Variants in TCF7 observed in about 807,000 individuals in gnomAD.
TCF7 encodes the protein T-cell-factor-7.
Under a neutral mutation model 46.8 loss-of-function variants are expected in TCF7, and 19 were observed. The ratio of observed to expected loss-of-function variants is 0.41; its 90% CI spans 0.28 to 0.60. TCF7 has a LOEUF of 0.60. TCF7 is among the 20% of genes least tolerant of loss of function. The pLI is 0.35. For synonymous variants in TCF7, 245 were observed against 213.4 expected, an observed-to-expected ratio of 1.15 and a Z score of -1.29; for missense variants, 547 against 504.6, an observed-to-expected ratio of 1.08 and a Z score of -0.81.
intron 4 of TCF7, 79 bp from the exon 5 acceptor site, chr5:134,138,872 G>A (rs1055968201): frequency 1.4e-5 from 22 of 1,580,126 alleles, no homozygotes; most frequent in Admixed American, 1.8e-5. Context: ...GCCCCTGTAG[G>A]AGGTTCTAGG....
upstream of TCF7, among the ~76,000 whole-genome samples, chr5:134,109,705 G>A (rs1418015352): frequency 4.0e-5 from 6 of 151,272 alleles, no homozygotes; most frequent in African/African-American, 1.5e-4. Flanking sequence ...GGGAGGCAGA[G>A]GTTGCAGTGA....
chr5:134,145,445 A>ATGTG (rs1162905605), intron 9 of TCF7: 1 of 562,768 alleles, frequency 1.8e-6, no homozygotes, highest in East Asian at 3.8e-5. Context: ...GAAAGGGCTC[A>ATGTG]TGTGTTTCAC....
rs1421530511 is a variant in TCF7 at position 134,142,176 on chromosome 5, T to C, written c.636-9T>C. On this transcript the variant is annotated splice_polypyrimidine_tract_variant and intron_variant, in intron 5 of 9. Transcript: ENST00000342854. ...CTTGGCTCAGTGTTAACTTTCTTCC[T>C]GCCTCCAGGTTCACCCACCCATCCT... 2 of 1,613,962 alleles carry C rather than the reference T, an allele frequency of 1.2e-6. No homozygotes were observed. Among genetic ancestry groups the C allele is most frequent in the Non-Finnish European group, 1.7e-6 (2 of 1,179,930 alleles).
At position 134,134,377 on chromosome 5, in the gene TCF7, C is replaced by T. The variant is rs531249687; in HGVS notation, c.442-3682C>T. Reference sequence around the variant, plus strand: ...AAGCAGGAGCTTAGACTCGAAAGCCCCCCATGCTCCAGGCATTTGTGCCCT... The same window carrying T: ...AAGCAGGAGCTTAGACTCGAAAGCCTCCCATGCTCCAGGCATTTGTGCCCT... On this transcript the variant is annotated intron_variant, in intron 3 of 9. Coordinates refer to ENST00000342854, the MANE Select transcript of TCF7 (RefSeq NM_003202.5). 2.0e-5 allele frequency among the ~76,000 whole-genome samples: 3 copies of T among 152,364 alleles called. No homozygotes were observed. The South Asian group carries it at 6.2e-4, about 32-fold the overall frequency.
chr5:134,145,725 C>G (rs1226407110), intron 9 of TCF7: 1 of 1,613,590 alleles, frequency 6.2e-7, no homozygotes, highest in East Asian at 2.2e-5. Context: ...AAGTTCTATT[C>G]CATTCATTCC....
intron 3 of TCF7, among the ~76,000 whole-genome samples, chr5:134,129,302 G>A (rs540581616): frequency 6.6e-6 from 1 of 152,300 alleles, no homozygotes; most frequent in African/African-American, 2.4e-5. Flanking sequence ...TGCCTTTTCT[G>A]CAAAGCCCCC....
chr5:134,117,329 G>T (rs1212373773), intron 3 of TCF7, among the ~76,000 whole-genome samples: 1 of 152,220 alleles, frequency 6.6e-6, no homozygotes, highest in Non-Finnish European at 1.5e-5. Context: ...AACTCACCCT[G>T]TGTGAGCCCA....
chr5:134,145,940 TG>T (rs1760631914), intron 9 of TCF7: 1 of 1,493,232 alleles, frequency 6.7e-7, no homozygotes, highest in Non-Finnish European at 8.9e-7. Flanking sequence ...ATGACTCCCT[TG>T]GAAGACAGGA....
chr5:134,136,382 A>T (rs1758862763), intron 3 of TCF7, among the ~76,000 whole-genome samples: 2 of 152,082 alleles, frequency 1.3e-5, no homozygotes, highest in Admixed American at 1.3e-4. Context: ...GGAAAGGAGG[A>T]AGCCTGTGAA....
intron 2 of TCF7, 95 bp from the exon 3 acceptor site, chr5:134,115,814 A>T: frequency 1.3e-6 from 2 of 1,574,302 alleles, no homozygotes; most frequent in Non-Finnish European, 1.7e-6. Context: ...CTTGCAGGGG[A>T]CCCCTTGGCA....
upstream of TCF7, among the ~76,000 whole-genome samples, chr5:134,110,790 A>C (rs1017466477): frequency 1.3e-5 from 2 of 152,254 alleles, no homozygotes; most frequent in African/African-American, 2.4e-5. Context: ...GCCACATTTC[A>C]AGGGTCTCCC....
intron 3 of TCF7, 112 bp from the exon 4 acceptor site, chr5:134,137,947 T>C (rs1322560002): frequency 1.2e-6 from 1 of 838,746 alleles, no homozygotes; most frequent in Admixed American, 2.5e-5. Flanking sequence ...CTGAGGCCTG[T>C]GGTTTTGGCC....
Position 134,146,424 on chromosome 5 carries a change from C to T in TCF7, c.*121C>T, listed in dbSNP as rs1159280138. 1 of 1,239,300 alleles carries T rather than the reference C, an allele frequency of 8.1e-7. No individual in the cohort carries two copies. The highest frequency in any genetic ancestry group is 1.2e-6 in the Non-Finnish European group (1 of 841,100). The allele number at this position is 1,239,300 out of a possible 1,614,324, so 76.8% of individuals were successfully genotyped here. On this transcript the variant is annotated 3_prime_UTR_variant, in exon 10 of 10. Transcript: ENST00000342854. ...CCTACATCCCCAGGTCTCTCCACTG[C>T]TCTCAGCCTCCCAACCCCAGGGCCC...
chr5:134,123,466 C>T (rs900381641), intron 3 of TCF7, among the ~76,000 whole-genome samples: 24 of 152,126 alleles, frequency 1.6e-4, no homozygotes, highest in Non-Finnish European at 3.2e-4. Flanking sequence ...GGGAAAAGGG[C>T]ACAGAGGAGG....
chr5:134,112,552 C>G (rs1755342336), upstream of TCF7, among the ~76,000 whole-genome samples: 1 of 152,172 alleles, frequency 6.6e-6, no homozygotes, highest in Admixed American at 6.5e-5. Context: ...AGCTATGACC[C>G]CATAGGACAG....
rs17167294 is a variant in TCF7 at position 134,143,205 on chromosome 5, C to T, written c.1026+105C>T. 16,513 of 1,280,626 alleles carry T rather than the reference C, an allele frequency of 0.013. 906 individuals carry two copies. The African/African-American group carries it at 0.16, about 12-fold the overall frequency. The allele number at this position is 1,280,626 out of a possible 1,614,324, so 79.3% of individuals were successfully genotyped here. On this transcript the variant is annotated intron_variant, in intron 8 of 9. Transcript: ENST00000342854. The stretch of plus-strand genomic sequence containing the variant: ...GAACGCAGAACTACTGTCCTGAAGG[C>T]ACCGATGAGGAAGGGCACGGAGGGT...
intron 9 of TCF7, chr5:134,145,158 T>C: frequency 6.4e-6 from 4 of 626,976 alleles, no homozygotes; most frequent in Non-Finnish European, 1.2e-5. Context: ...TAGCAGGTCC[T>C]CAGCAAACAG....
chr5:134,122,282 G>A (rs1756700982), intron 3 of TCF7, among the ~76,000 whole-genome samples: 2 of 152,154 alleles, frequency 1.3e-5, no homozygotes, highest in Admixed American at 1.3e-4. Context: ...GAAAGTCGGG[G>A]TGAGTACTAG....
At chr5:134,144,611 G>C in intron 9 of TCF7, 1 of 586,726 alleles carries the variant, frequency 1.7e-6, no homozygotes, top group Non-Finnish European at 3.1e-6. Flanking sequence ...CTGATATCTT[G>C]GCTCTGGGCT....
Sources: gnomAD v4.1 joint callset for allele counts (sites outside exome capture counted in the v4.1 genomes callset) on GRCh38, gnomAD v4.1.1 for gene constraint, MANE v1.5 for transcripts, NCBI Gene and HGNC (gene_info 2026-07-23, HGNC 2026-07-21) for gene names.